Variants in C16orf96 observed in about 807,000 individuals in gnomAD.
The protein encoded by C16orf96 is chromosome 16 open reading frame 96.
Under a neutral mutation model 103.6 loss-of-function variants are expected in C16orf96, and 108 were observed. The observed-to-expected ratio is 1.04, with a 90% CI of 0.89 to 1.22. The LOEUF (loss-of-function observed/expected upper bound fraction) is 1.22. Ranked by LOEUF, C16orf96 falls within the 50% of genes most tolerant of loss-of-function variation. C16orf96 has a pLI of 0.00. For synonymous variants in C16orf96, 566 were observed against 593.5 expected (o/e 0.95, Z 0.67); for missense variants, 1,586 against 1,464.2 (o/e 1.08, Z -1.36).
intron 5 of C16orf96, among the ~76,000 whole-genome samples, chr16:4,578,534 C>T (rs367748922): frequency 5.3e-5 from 8 of 152,122 alleles, no homozygotes; most frequent in South Asian, 2.1e-4. Flanking sequence ...CTGAGGAAGG[C>T]GGATCACGAG....
intron 9 of C16orf96, among the ~76,000 whole-genome samples, chr16:4,589,395 A>G (rs1897004141): frequency 7.1e-6 from 1 of 140,484 alleles, no homozygotes; most frequent in Non-Finnish European, 1.5e-5. Flanking sequence ...CCTGGGCAAC[A>G]TGGTGAAACT....
upstream of C16orf96, among the ~76,000 whole-genome samples, chr16:4,556,256 C>T (rs1379933906): frequency 6.6e-6 from 1 of 152,136 alleles, no homozygotes; most frequent in Non-Finnish European, 1.5e-5. Flanking sequence ...GGAGCACCTG[C>T]CCCACTCCAG....
intron 14 of C16orf96, among the ~76,000 whole-genome samples, chr16:4,596,673 C>G (rs754156558): frequency 7.7e-5 from 9 of 117,038 alleles, no homozygotes; most frequent in Non-Finnish European, 1.3e-4. Context: ...CAGAGCCAGG[C>G]CCTGTCTCAA....
chr16:4,572,855 G>A (rs2059455047), intron 2 of C16orf96, among the ~76,000 whole-genome samples: 1 of 152,168 alleles, frequency 6.6e-6, no homozygotes, highest in South Asian at 2.1e-4. Context: ...ATGCATGGAA[G>A]GACATGGAGT....
intron 10 of C16orf96, 24 bp from the exon 11 acceptor site, chr16:4,592,281 G>A (rs972149534): frequency 1.0e-5 from 16 of 1,551,272 alleles, no homozygotes; most frequent in East Asian, 4.9e-5. Flanking sequence ...CAGGGGCAGC[G>A]GCTGATGATC....
intron 10 of C16orf96, 83 bp downstream of exon 10, chr16:4,591,867 A>T: frequency 9.0e-7 from 1 of 1,108,158 alleles, no homozygotes. Context: ...CTGGGAGGAA[A>T]GATTCCAGAC....
upstream of C16orf96, among the ~76,000 whole-genome samples, chr16:4,555,300 ACACACAC>A (rs1227513017): frequency 2.3e-4 from 28 of 122,552 alleles, no homozygotes; most frequent in African/African-American, 8.8e-4. Context: ...ACACACACAC[ACACACAC>A]ACACGAGAAA....
chr16:4,576,367 C>A lies in C16orf96; in HGVS notation c.1887C>A (p.Ser629=). ...VFADVLGAGP[S]RGATESQILG... is the part of the protein sequence containing the mutation. ...CAGATGTCCTGGGTGCAGGGCCTTC[C>A]CGGGGAGCCACAGAATCCCAGATCT... The change falls in exon 5 of 16, where the codon TCC becomes TCA. Residue 629 remains serine (S), a synonymous_variant. Transcript: ENST00000444310. 1 of 1,550,916 alleles carries A rather than the reference C, an allele frequency of 6.4e-7. No individual in the cohort carries two copies. Among genetic ancestry groups the A allele is most frequent in the Non-Finnish European group, 8.7e-7 (1 of 1,146,996 alleles).
At position 4,600,192 on chromosome 16, in the gene C16orf96, C is replaced by T. The variant is rs971936487; in HGVS notation, c.3301C>T (p.Leu1101=). The change falls in exon 16 of 16, where the codon CTG becomes TTG. Residue 1101 remains leucine (L), a synonymous_variant. Coordinates refer to ENST00000444310, the MANE Select transcript of C16orf96 (RefSeq NM_001145011.2). The part of the protein sequence containing the change: ...RPPSLPPLLL[L]PPLIPSLRDP... Reference sequence around the variant, plus strand: ...ACCTTCCCTGCCACCTCTGCTGCTGCTGCCACCGCTGATTCCATCCCTAAG... The same window carrying T: ...ACCTTCCCTGCCACCTCTGCTGCTGTTGCCACCGCTGATTCCATCCCTAAG... 4.5e-6 allele frequency: 7 copies of T among 1,551,500 alleles called. No homozygotes were observed. The African/African-American group carries it at 9.6e-5, about 21-fold the overall frequency.
intron 1 of C16orf96, among the ~76,000 whole-genome samples, chr16:4,564,383 G>A (rs1011410869): frequency 1.3e-5 from 2 of 152,056 alleles, no homozygotes; most frequent in African/African-American, 4.8e-5. Context: ...CCCGGGAGAG[G>A]GATCCAGTCT....
In C16orf96 at chr16:4,600,492, C is replaced by CCA. The variant is rs1555441335; in HGVS notation, c.*176_*177insAC. 2.1e-5 allele frequency: 10 copies of CCA among 472,918 alleles called. No homozygotes were observed. The highest frequency in any genetic ancestry group is 8.8e-5 in the South Asian group (4 of 45,484). 29.3% of individuals were successfully genotyped at this position (472,918 alleles called of 1,614,324 possible). A position where few individuals can be genotyped will look rare whatever the true frequency, so the allele number is the denominator to read the frequency against. ...TGTCCGAGGCTGAGGCTCATGCGCC[C>CCA]CCCCCCATCCCTACCAAGTCCCCTC... On this transcript the variant is annotated 3_prime_UTR_variant, in exon 16 of 16. Coordinates refer to ENST00000444310, the MANE Select transcript of C16orf96 (RefSeq NM_001145011.2).
chr16:4,585,872 T>C (rs907216322), intron 7 of C16orf96, among the ~76,000 whole-genome samples: 8 of 152,244 alleles, frequency 5.3e-5, no homozygotes, highest in Middle Eastern at 3.4e-3. Flanking sequence ...TGTTCTCACT[T>C]GTAAATGAGC....
At chr16:4,550,059 T>C in the C16orf96 span, among the ~76,000 whole-genome samples, 1 of 151,862 alleles carries the variant, frequency 6.6e-6, no homozygotes, top group Admixed American at 6.6e-5. Flanking sequence ...CTTCTGTTAT[T>C]GAGCTGGTTA....
intron 15 of C16orf96, among the ~76,000 whole-genome samples, chr16:4,599,697 T>G (rs760231576): frequency 1.3e-5 from 2 of 152,202 alleles, no homozygotes; most frequent in African/African-American, 2.4e-5. Context: ...AGTTTCTCCC[T>G]TATCTCATCA....
At chr16:4,589,861 C>T (rs1208602903) in intron 9 of C16orf96, among the ~76,000 whole-genome samples, 2 of 152,178 alleles carry the variant, frequency 1.3e-5, no homozygotes, top group Non-Finnish European at 2.9e-5. Context: ...CGGTGGCTCA[C>T]GCCTGTAATC....
upstream of C16orf96, among the ~76,000 whole-genome samples, chr16:4,553,160 C>A (rs859219): frequency 0.21 from 31,719 of 152,122 alleles, 3,661 homozygotes; most frequent in African/African-American, 0.29. Context: ...TCATTGTCTG[C>A]CTCCACGCCT....
chr16:4,576,331 A>G lies in C16orf96; in HGVS notation c.1851A>G (p.Leu617=), dbSNP rs1277202827. ...CAGACACGGCTGCAGCTGGGCCCCT[A>G]GGGGTCTTTGCAGATGTCCTGGGTG... The part of the protein sequence containing the change: ...IATDTAAAGP[L]GVFADVLGAG... The change falls in exon 5 of 16, where the codon CTA becomes CTG. Residue 617 remains leucine, a synonymous_variant. Coordinates refer to ENST00000444310, the MANE Select transcript of C16orf96 (RefSeq NM_001145011.2). 1 of 1,550,626 alleles carries G rather than the reference A, an allele frequency of 6.4e-7. No individual in the cohort carries two copies. The highest frequency in any genetic ancestry group is 8.7e-7 in the Non-Finnish European group (1 of 1,146,970).
At chr16:4,540,946 G>T in the C16orf96 span, among the ~76,000 whole-genome samples, 1 of 145,414 alleles carries the variant, frequency 6.9e-6, no homozygotes. Context: ...ATGGAGTCTC[G>T]CTCTGTCACC....
At chr16:4,594,590 A>C in intron 13 of C16orf96, 80 bp downstream of exon 13, 2 of 1,538,700 alleles carry the variant, frequency 1.3e-6, no homozygotes, top group Non-Finnish European at 8.8e-7. Flanking sequence ...GGCACTGAGC[A>C]GTGGGCAACC....
Sources: gnomAD v4.1 joint callset for allele counts (sites outside exome capture counted in the v4.1 genomes callset) on GRCh38, gnomAD v4.1.1 for gene constraint, MANE v1.5 for transcripts, NCBI Gene and HGNC (gene_info 2026-07-23, HGNC 2026-07-21) for gene names.